ZNF236: variants seen among roughly 807,000 people sequenced by gnomAD.
The protein encoded by ZNF236 is zinc finger protein 236.
A neutral mutation model predicts 191.2 loss-of-function variants in ZNF236; 50 were observed. That is an observed-to-expected ratio of 0.26 (90% CI 0.21 to 0.33). The LOEUF (loss-of-function observed/expected upper bound fraction) is 0.33, where lower values mean the gene tolerates loss of function less well. Ranked by LOEUF, ZNF236 falls within the 10% of genes least tolerant of loss-of-function variation. The probability of loss-of-function intolerance (pLI) is 1.00; values close to 1 mark genes in which losing one functional copy is unlikely to be tolerated. For synonymous variants in ZNF236, 907 were observed against 928.8 expected, an observed-to-expected ratio of 0.98 and a Z score of 0.43; for missense variants, 1,754 against 2,374.5, an observed-to-expected ratio of 0.74 and a Z score of 5.43.
At chr18:76,877,256 C>G (rs1268319509) in intron 6 of ZNF236, among the ~76,000 whole-genome samples, 1 of 152,168 alleles carries the variant, frequency 6.6e-6, no homozygotes, top group African/African-American at 2.4e-5. Flanking sequence ...CGTCTGTAAT[C>G]CCAGCACTTT....
chr18:76,861,425 G>GTCA lies in ZNF236; in HGVS notation c.364-7256_364-7254dup, dbSNP rs1976219519. Among the ~76,000 whole-genome samples, 4 of 152,332 alleles carry GTCA rather than the reference G, an allele frequency of 2.6e-5. No individual in the cohort carries two copies. The South Asian group carries it at 8.3e-4, about 32-fold the overall frequency. On this transcript the variant is annotated intron_variant, in intron 3 of 30. Transcript: ENST00000320610. ...CTCACATTCAGTTGGGTAGAACGTA[G>GTCA]TCATCAGGCCAGTGATCTAGTGGTT... is the stretch of plus-strand genomic sequence containing the variant.
At chr18:76,923,265 T>C (rs1389957205) in intron 21 of ZNF236, 91 bp downstream of exon 21, 4 of 868,724 alleles carry the variant, frequency 4.6e-6, no homozygotes, top group Admixed American at 2.4e-5. Context: ...ATAAATACTT[T>C]CCAAATTATA....
chr18:76,880,114 C>A lies in ZNF236; in HGVS notation c.986C>A (p.Ala329Asp). The change falls in exon 8 of 31, where the codon GCC becomes GAC. Residue 329 changes from alanine to aspartate, a missense_variant and splice_region_variant. Ala to Asp is a moderately radical substitution (Grantham distance 126). Around this residue, in one of 5 missense-constraint regions of ZNF236, gnomAD observed 336 missense variants for 495.1 expected, o/e 0.68. Transcript: ENST00000320610. This position sits in a 1 kb window ranked among gnomAD's most constrained non-coding sequence, Gnocchi z 5.0. ...SSTETAHVLTATLFQTLPLQQ... is the reference protein window; with the variant it reads ...SSTETAHVLTDTLFQTLPLQQ... The stretch of plus-strand genomic sequence containing the variant: ...AATGAAAATGTTTCTGTGTTTCAGG[C>A]CACACTTTTTCAGACGTTACCTCTT... 1 of 1,606,582 alleles carries A rather than the reference C, an allele frequency of 6.2e-7. No individual in the cohort carries two copies. Among genetic ancestry groups the A allele is most frequent in the East Asian group, 2.2e-5 (1 of 44,616 alleles).
rs931167161 is a variant in ZNF236 at position 76,877,945 on chromosome 18, A to C, written c.841-64A>C. On this transcript the variant is annotated intron_variant, in intron 6 of 30. Coordinates refer to ENST00000320610, the MANE Select transcript of ZNF236 (RefSeq NM_001306089.2). ...GAATGGTAAATTATGATTTGCCATA[A>C]TTTAGATGTTTAAATTTAACAATTA... 5.2e-5 allele frequency: 68 copies of C among 1,300,792 alleles called. No homozygotes were observed. In the South Asian group the frequency reaches 1.0e-3, roughly 19 times the overall value. 80.6% of individuals were successfully genotyped at this position (1,300,792 alleles called of 1,614,324 possible). A position where few individuals can be genotyped will look rare whatever the true frequency, so the allele number is the denominator to read the frequency against.
chr18:76,910,006 A>C, intron 14 of ZNF236, 62 bp from the exon 15 acceptor site: 1 of 1,299,476 alleles, frequency 7.7e-7, no homozygotes, highest in South Asian at 1.2e-5. Flanking sequence ...TTTTGGACAG[A>C]TTTGCAGTTG....
intron 1 of ZNF236, among the ~76,000 whole-genome samples, chr18:76,829,639 C>T (rs552424353): frequency 1.3e-5 from 2 of 152,058 alleles, no homozygotes; most frequent in Non-Finnish European, 2.9e-5. Flanking sequence ...TTTATGATTG[C>T]TAAGAGAAGC....
chr18:76,824,200 G>C, intron 1 of ZNF236: 1 of 674,414 alleles, frequency 1.5e-6, no homozygotes, highest in Non-Finnish European at 2.7e-6. Context: ...TTGTGTTTAG[G>C]AAGAAAGAGG....
intron 7 of ZNF236, among the ~76,000 whole-genome samples, chr18:76,878,619 G>A (rs1049951451): frequency 1.1e-4 from 16 of 149,948 alleles, no homozygotes; most frequent in African/African-American, 3.2e-4. Context: ...ACACAGGTGC[G>A]CACACACACA....
In ZNF236 at chr18:76,824,107, G is replaced by T. The variant is rs1974949729; in HGVS notation, c.55+1445G>T. ...TTTTCTTGGGGATGAGTAAACTGAGGCTCATTAAAGAGCTTGTGACCAAAC... is the reference window on the plus strand; with the variant it reads ...TTTTCTTGGGGATGAGTAAACTGAGTCTCATTAAAGAGCTTGTGACCAAAC... On this transcript the variant is annotated intron_variant, in intron 1 of 30. Coordinates refer to ENST00000320610, the MANE Select transcript of ZNF236 (RefSeq NM_001306089.2). The T allele has an allele frequency of 5.3e-6, 3 of 561,760 alleles. No homozygotes were observed. In the South Asian group the frequency reaches 6.7e-5, roughly 13 times the overall value. 34.8% of individuals were successfully genotyped at this position (561,760 alleles called of 1,614,324 possible).
At chr18:76,883,895 C>T (rs1402427835) in intron 9 of ZNF236, among the ~76,000 whole-genome samples, 1 of 152,178 alleles carries the variant, frequency 6.6e-6, no homozygotes, top group African/African-American at 2.4e-5. Flanking sequence ...TAAGTCATAA[C>T]ATTAATTGCT....
chr18:76,956,499 A>G (rs1568247068), intron 28 of ZNF236, among the ~76,000 whole-genome samples: 2 of 151,472 alleles, frequency 1.3e-5, no homozygotes, highest in African/African-American at 4.9e-5. Context: ...GCTGTGGGGA[A>G]ACAGAGGCTC....
chr18:76,915,850 G>A lies in ZNF236; in HGVS notation c.3265G>A (p.Glu1089Lys). 6.2e-7 allele frequency: 1 copy of A among 1,612,122 alleles called. No individual in the cohort carries two copies. The highest frequency in any genetic ancestry group is 8.5e-7 in the Non-Finnish European group (1 of 1,178,178). Reference sequence around the variant, plus strand: ...TGCTGTGTCAGCCACTGGAGAGACAGAAGGAGGAGGTATTTTCCATTTGTT... The same window carrying A: ...TGCTGTGTCAGCCACTGGAGAGACAAAAGGAGGAGGTATTTTCCATTTGTT... ...PSAVSATGET[E>K]GGDICMEEEE... Residue 1089 changes from glutamate to lysine, a missense_variant, in exon 19 of 31, where the codon GAA becomes AAA. This residue lies in a region of ZNF236 where 641 missense variants were observed against 869.6 expected (regional missense o/e 0.74). Coordinates refer to ENST00000320610, the MANE Select transcript of ZNF236 (RefSeq NM_001306089.2).
chr18:76,882,255 C>T (rs936797727), intron 9 of ZNF236, among the ~76,000 whole-genome samples: 48 of 152,176 alleles, frequency 3.2e-4, no homozygotes, highest in African/African-American at 1.1e-3. Context: ...TTCAGTGCTC[C>T]GTCATTCAAG....
At chr18:76,932,205 G>T (rs1251216003) in intron 25 of ZNF236, among the ~76,000 whole-genome samples, 1 of 152,170 alleles carries the variant, frequency 6.6e-6, no homozygotes, top group East Asian at 1.9e-4. Flanking sequence ...ACAGGGGGTG[G>T]CTCTGTGGCT....
rs1370933940 is a variant in ZNF236, at chr18:76,908,536, C to A, written c.2514C>A (p.Gly838=). 6.2e-7 allele frequency: 1 copy of A among 1,612,438 alleles called. No individual in the cohort carries two copies. Among genetic ancestry groups the A allele is most frequent in the South Asian group, 1.1e-5 (1 of 91,062 alleles). Residue 838 remains glycine, a synonymous_variant, in exon 14 of 31, where the codon GGC becomes GGA. Coordinates refer to ENST00000320610, the MANE Select transcript of ZNF236 (RefSeq NM_001306089.2). The part of the protein sequence containing the change: ...HVVGTEEAGL[G]QQLADQPLEA... ...TGGGCACGGAGGAAGCAGGGCTGGG[C>A]CAGCAGTTGGCAGATCAGCCCCTGG...
At chr18:76,865,519 G>A (rs762710971) in intron 3 of ZNF236, among the ~76,000 whole-genome samples, 16 of 152,174 alleles carry the variant, frequency 1.1e-4, no homozygotes, top group Admixed American at 2.6e-4. Flanking sequence ...GACATTCAGA[G>A]AGCCTTCTGA....
Position 76,849,636 on chromosome 18 carries a change from C to T in ZNF236, c.166C>T (p.Arg56Cys), listed in dbSNP as rs770239479. 2.1e-5 allele frequency: 34 copies of T among 1,607,844 alleles called. No homozygotes were observed. Among genetic ancestry groups the T allele is most frequent in the Admixed American group, 1.7e-4 (10 of 58,264 alleles). ...LSFPKESQFQ[R>C]HMRDHERNDK... is the part of the protein sequence containing the mutation. The stretch of plus-strand genomic sequence containing the variant: ...TTTTCCAAAAGAATCCCAGTTTCAA[C>T]GCCACATGAGGGATCACGAGCGAAA... Residue 56 changes from arginine (R) to cysteine (C), a missense_variant, in exon 2 of 31, where the codon CGC (arginine) becomes TGC (cysteine). Arg to Cys is a radical substitution (Grantham distance 180). Transcript: ENST00000320610.
chr18:76,864,767 C>T (rs1020837103), intron 3 of ZNF236, among the ~76,000 whole-genome samples: 2 of 151,166 alleles, frequency 1.3e-5, no homozygotes, highest in Admixed American at 6.6e-5. Flanking sequence ...TAAGGTTTTC[C>T]GTACTTCTCT....
chr18:76,900,997 A>G lies in ZNF236; in HGVS notation c.1894+1775A>G, dbSNP rs1402027356. ...ATGCACAGTGCACAATAGGGTTCGC[A>G]CTCCTGTGAGAATCTAACACTCTTC... On this transcript the variant is annotated intron_variant, in intron 11 of 30. Transcript: ENST00000320610. Among the ~76,000 whole-genome samples, 3 of 152,082 alleles carry G rather than the reference A, an allele frequency of 2.0e-5. No homozygotes were observed. In the East Asian group the frequency reaches 5.8e-4, roughly 29 times the overall value.
Sources: gnomAD v4.1 joint callset for allele counts (sites outside exome capture counted in the v4.1 genomes callset) on GRCh38, gnomAD v4.1.1 for gene constraint, gnomAD v4.1.1 regional missense constraint, Gnocchi (gnomAD v3.1) non-coding constraint, MANE v1.5 for transcripts, NCBI Gene and HGNC (gene_info 2026-07-23, HGNC 2026-07-21) for gene names.